AK8: variants seen among roughly 807,000 people sequenced by gnomAD.
AK8 encodes ATP-AMP transphosphorylase 8.
In AK8, 44 loss-of-function variants were observed where a neutral mutation model predicts 54.6. That is an observed-to-expected ratio of 0.81 (90% confidence interval 0.63 to 1.04). The LOEUF (loss-of-function observed/expected upper bound fraction) is 1.04, where lower values mean the gene tolerates loss of function less well. Ranked by LOEUF, AK8 falls within the 50% of genes least tolerant of loss-of-function variation. The pLI is 0.00. For synonymous variants in AK8, 239 were observed against 245.6 expected (o/e 0.97, Z 0.25); for missense variants, 555 against 613.6 (o/e 0.90, Z 1.01).
intron 11 of AK8, among the ~76,000 whole-genome samples, chr9:132,777,971 G>C (rs1390583525): frequency 6.6e-6 from 1 of 152,196 alleles, no homozygotes; most frequent in Non-Finnish European, 1.5e-5. Flanking sequence ...TCCCCAAGTG[G>C]ACCTCTGTCT....
In AK8 at chr9:132,791,870, C is replaced by A. The variant is rs1159778581; in HGVS notation, c.1121+764G>T. 6.6e-6 allele frequency among the ~76,000 whole-genome samples: 1 copy of A among 152,198 alleles called. No homozygotes were observed. The highest frequency in any genetic ancestry group is 1.5e-5 in the Non-Finnish European group (1 of 68,036). ...TTTGCCACCATTTGCAAGGTATGAC[C>A]AACCAGAGAAAGCCAAATATGTTCC... On this transcript the variant is annotated intron_variant, in intron 11 of 12. Transcript: ENST00000298545. The surrounding 1 kb of genome is among the most constrained non-coding windows in gnomAD (Gnocchi z 4.0).
intron 8 of AK8, 89 bp from the exon 9 acceptor site, chr9:132,823,425 G>A (rs1841739037): frequency 1.3e-6 from 2 of 1,541,158 alleles, no homozygotes; most frequent in African/African-American, 1.4e-5. Context: ...TCTTTTAACG[G>A]CAGTAACTCT....
intron 10 of AK8, among the ~76,000 whole-genome samples, chr9:132,811,593 G>T (rs1459983475): frequency 6.6e-6 from 1 of 152,218 alleles, no homozygotes; most frequent in Non-Finnish European, 1.5e-5. Context: ...AATCTGTGTT[G>T]TTCTAAACCA....
At chr9:132,801,331 T>C (rs1840448510) in intron 10 of AK8, among the ~76,000 whole-genome samples, 1 of 152,206 alleles carries the variant, frequency 6.6e-6, no homozygotes, top group South Asian at 2.1e-4. Flanking sequence ...TTAGTAAAAC[T>C]TCTCTATTGG....
intron 10 of AK8, among the ~76,000 whole-genome samples, chr9:132,812,397 A>ATTTT (rs528321058): frequency 6.9e-6 from 1 of 144,112 alleles, no homozygotes. Context: ...CACGTGGCTA[A>ATTTT]TTTTTTTTTT....
At chr9:132,749,903 G>A (rs1317223618) in intron 11 of AK8, among the ~76,000 whole-genome samples, 3 of 149,628 alleles carry the variant, frequency 2.0e-5, no homozygotes, top group Non-Finnish European at 4.4e-5. Context: ...TGGGGTGGGC[G>A]TGCACTTGCC....
In AK8 at chr9:132,790,984, G is replaced by A. The variant is rs995397936; in HGVS notation, c.1121+1650C>T. On this transcript the variant is annotated intron_variant, in intron 11 of 12. Transcript: ENST00000298545. This position sits in a 1 kb window ranked among gnomAD's most constrained non-coding sequence, Gnocchi z 4.1. Reference sequence around the variant, plus strand: ...CCTAGAAATAAAATAAAAAATGCGAGACCCAAGGAAGTGTTGATATTTTCA... The same window carrying A: ...CCTAGAAATAAAATAAAAAATGCGAAACCCAAGGAAGTGTTGATATTTTCA... 6.6e-6 allele frequency among the ~76,000 whole-genome samples: 1 copy of A among 152,134 alleles called. No homozygotes were observed. The highest frequency in any genetic ancestry group is 2.4e-5 in the African/African-American group (1 of 41,416).
At position 132,848,137 on chromosome 9, in the gene AK8, AAAAAAAG is replaced by A. The variant is rs1471228540; in HGVS notation, c.402+6713_402+6719del. On this transcript the variant is annotated intron_variant, in intron 5 of 12. Coordinates refer to ENST00000298545, the MANE Select transcript of AK8 (RefSeq NM_152572.3). ...TTTCAAAAAAAAAAAAAAAAAAAAA[AAAAAAAG>A]ATTGAAGAGAAGAAAGGAAGACTCC... 3.7e-4 allele frequency among the ~76,000 whole-genome samples: 34 copies of A among 91,788 alleles called. 3 individuals carry two copies. The highest frequency in any genetic ancestry group is 6.7e-4 in the Non-Finnish European group (27 of 40,482). The allele number at this position is 91,788 out of a possible 152,430, so 60.2% of individuals were successfully genotyped here.
chr9:132,877,682 G>A (rs1186970272), intron 1 of AK8: 2 of 368,756 alleles, frequency 5.4e-6, no homozygotes, highest in Non-Finnish European at 1.1e-5. Flanking sequence ...GGTGGGAGAT[G>A]CTGCTGTCCC....
intron 9 of AK8, among the ~76,000 whole-genome samples, chr9:132,817,707 G>T (rs748792984): frequency 2.0e-5 from 3 of 152,138 alleles, no homozygotes; most frequent in Non-Finnish European, 2.9e-5. Flanking sequence ...CGGAAGAAAA[G>T]AACCAAATCT....
At chr9:132,845,082 T>G (rs1842694305) in intron 5 of AK8, among the ~76,000 whole-genome samples, 1 of 152,214 alleles carries the variant, frequency 6.6e-6, no homozygotes, top group Non-Finnish European at 1.5e-5. Flanking sequence ...CTGCTGCCAA[T>G]GCTACACTCC....
intron 2 of AK8, among the ~76,000 whole-genome samples, chr9:132,873,061 C>T (rs759972771): frequency 8.5e-5 from 13 of 152,224 alleles, no homozygotes; most frequent in Non-Finnish European, 1.8e-4. Context: ...GATCCGCCCA[C>T]CTCGGCCTCC....
intron 11 of AK8, among the ~76,000 whole-genome samples, chr9:132,731,428 G>C (rs1836840534): frequency 1.3e-5 from 2 of 152,196 alleles, no homozygotes; most frequent in Admixed American, 6.5e-5. Flanking sequence ...GAGTCTGAGA[G>C]GGTGGGTGGG....
At chr9:132,849,962 G>A (rs1168213408) in intron 5 of AK8, among the ~76,000 whole-genome samples, 1 of 151,898 alleles carries the variant, frequency 6.6e-6, no homozygotes, top group Non-Finnish European at 1.5e-5. Context: ...GGCCAGGCTG[G>A]TCTTGAACTC....
intron 8 of AK8, among the ~76,000 whole-genome samples, chr9:132,824,450 G>A (rs977487406): frequency 2.0e-4 from 31 of 152,184 alleles, no homozygotes; most frequent in African/African-American, 7.2e-4. Context: ...GCCTCCTTCA[G>A]GAACATGCCA....
Position 132,725,795 on chromosome 9 carries a change from G to T in AK8, c.1333C>A (p.Gln445Lys). 6.2e-7 allele frequency: 1 copy of T among 1,605,068 alleles called. No homozygotes were observed. Among genetic ancestry groups the T allele is most frequent in the Non-Finnish European group, 8.5e-7 (1 of 1,176,018 alleles). ...LFYRNSADLE[Q>K]LYGSAITLNG... ...AGGGTGATGGCCGACCCATACAACT[G>T]CTCCAAGTCAGCTGAGTTCCTGTAG... is the stretch of plus-strand genomic sequence containing the variant. Residue 445 changes from glutamine (Q) to lysine (K), a missense_variant, in exon 13 of 13, where the codon CAG becomes AAG. Physicochemically the swap from Gln to Lys is moderately conservative, Grantham distance 53. Transcript: ENST00000298545.
chr9:132,831,596 G>A (rs1459674153), intron 5 of AK8, among the ~76,000 whole-genome samples: 1 of 152,154 alleles, frequency 6.6e-6, no homozygotes, highest in Admixed American at 6.5e-5. Flanking sequence ...GGGAGCCCCC[G>A]CTTGCTGTAG....
chr9:132,754,236 C>T (rs193253174), intron 11 of AK8, among the ~76,000 whole-genome samples: 51 of 152,266 alleles, frequency 3.3e-4, no homozygotes, highest in Admixed American at 2.1e-3. Flanking sequence ...GAAGTACCTC[C>T]GCCACAAGCA....
In AK8 at chr9:132,877,945, T is replaced by C. The variant is rs775607392; in HGVS notation, c.84+227A>G. 6.6e-4 allele frequency: 755 copies of C among 1,138,524 alleles called. 12 individuals carry two copies. The East Asian group carries it at 0.019, about 29-fold the overall frequency. 70.5% of individuals were successfully genotyped at this position (1,138,524 alleles called of 1,614,324 possible). Reference sequence around the variant, plus strand: ...CCAAATCCCGGCTCGAGTGGCCCCCTTCCTCCCCCTGGGTCCGCCTGAGGC... The same window carrying C: ...CCAAATCCCGGCTCGAGTGGCCCCCCTCCTCCCCCTGGGTCCGCCTGAGGC... On this transcript the variant is annotated intron_variant, in intron 1 of 12. Coordinates refer to ENST00000298545, the MANE Select transcript of AK8 (RefSeq NM_152572.3).
Sources: allele counts gnomAD v4.1 joint callset (sites outside exome capture counted in the v4.1 genomes callset), GRCh38; gene constraint gnomAD v4.1.1; non-coding constraint Gnocchi (gnomAD v3.1); transcripts MANE v1.5; gene names NCBI Gene and HGNC (gene_info 2026-07-23, HGNC 2026-07-21).